The following FOXP1 variants were observed in gnomAD, a reference collection of about 807,000 sequenced individuals.
The protein encoded by FOXP1 is forkhead box protein P1.
A neutral mutation model predicts 98.2 loss-of-function variants in FOXP1; 15 were observed. The observed-to-expected ratio is 0.15, with a 90% CI of 0.10 to 0.24. The LOEUF (loss-of-function observed/expected upper bound fraction) is 0.24, where lower values mean the gene tolerates loss of function less well. Ranked by LOEUF, FOXP1 falls within the 10% of genes least tolerant of loss-of-function variation. The pLI, the probability that FOXP1 is intolerant of heterozygous loss-of-function variation, is 1.00. For missense variants in FOXP1, 633 were observed against 848.5 expected (o/e 0.75, Z 3.15); for synonymous variants, 371 against 314.5 (o/e 1.18, Z -1.90).
At chr3:71,216,158 C>T (rs2064899505) in intron 5 of FOXP1, among the ~76,000 whole-genome samples, 1 of 152,210 alleles carries the variant, frequency 6.6e-6, no homozygotes, top group Admixed American at 6.5e-5. Flanking sequence ...GCAGAGGCGC[C>T]TTGAGTCCAT....
At chr3:71,250,803 C>T (rs772117576) in intron 5 of FOXP1, among the ~76,000 whole-genome samples, 39 of 152,066 alleles carry the variant, frequency 2.6e-4, no homozygotes, top group Non-Finnish European at 4.3e-4. Context: ...TGGTGGCGCA[C>T]GCCTGTAATC....
chr3:71,576,655 C>T (rs2047740505), intron 2 of FOXP1, among the ~76,000 whole-genome samples: 1 of 152,204 alleles, frequency 6.6e-6, no homozygotes, highest in Non-Finnish European at 1.5e-5. Context: ...CAGCTTTAAG[C>T]ATCAAGGCCA....
intron 7 of FOXP1, among the ~76,000 whole-genome samples, chr3:71,077,407 C>T (rs1459561594): frequency 1.3e-5 from 2 of 152,136 alleles, no homozygotes; most frequent in Non-Finnish European, 2.9e-5. Context: ...GGGGGAAAGA[C>T]AGCTAAAGAC....
chr3:71,397,021 T>C lies in FOXP1; in HGVS notation c.-167-37777A>G, dbSNP rs374160832. ...ACATATATATGTGTATATATATATA[T>C]ATACATATATATGTGTATATATATA... On this transcript the variant is annotated intron_variant, in intron 3 of 20. Coordinates refer to ENST00000649528, the MANE Select transcript of FOXP1 (RefSeq NM_001349338.3). 4.0e-3 allele frequency among the ~76,000 whole-genome samples: 157 copies of C among 39,322 alleles called. 21 individuals are homozygous for C. The highest frequency in any genetic ancestry group is 6.6e-3 in the African/African-American group (66 of 10,064). 25.8% of individuals were successfully genotyped at this position (39,322 alleles called of 152,430 possible).
At position 71,395,026 on chromosome 3, in the gene FOXP1, G is replaced by C. The variant is rs1020566107; in HGVS notation, c.-167-35782C>G. Among the ~76,000 whole-genome samples the C allele has an allele frequency of 2.0e-5, 3 of 148,048 alleles. No individual in the cohort carries two copies. The East Asian group carries it at 5.9e-4, about 29-fold the overall frequency. On this transcript the variant is annotated intron_variant, in intron 3 of 20. Transcript: ENST00000649528. Reference sequence around the variant, plus strand: ...GAGGCAGGAGAATTGCTTGAACCCAGGAGGCAGAGGTTGCGGTGAGCCAAG... The same window carrying C: ...GAGGCAGGAGAATTGCTTGAACCCACGAGGCAGAGGTTGCGGTGAGCCAAG...
chr3:71,394,486 G>T (rs1490730238), intron 3 of FOXP1, among the ~76,000 whole-genome samples: 1 of 152,184 alleles, frequency 6.6e-6, no homozygotes, highest in Non-Finnish European at 1.5e-5. Flanking sequence ...GAATTTGTCT[G>T]CTAGGTTTCT....
At chr3:71,449,339 C>A (rs1379402865) in intron 3 of FOXP1, among the ~76,000 whole-genome samples, 1 of 152,054 alleles carries the variant, frequency 6.6e-6, no homozygotes, top group Non-Finnish European at 1.5e-5. Flanking sequence ...AATTTTCCAC[C>A]CTAAACACCC....
intron 6 of FOXP1, among the ~76,000 whole-genome samples, chr3:71,168,693 TCAGA>T (rs1160045264): frequency 6.6e-6 from 1 of 152,234 alleles, no homozygotes; most frequent in South Asian, 2.1e-4. Flanking sequence ...AGCCATTTCT[TCAGA>T]CAAACAGCAC....
intron 4 of FOXP1, among the ~76,000 whole-genome samples, chr3:71,308,027 G>A (rs577386144): frequency 6.6e-6 from 1 of 152,052 alleles, no homozygotes; most frequent in Non-Finnish European, 1.5e-5. Context: ...ACAGACACAG[G>A]GATTGTGACA....
intron 3 of FOXP1, among the ~76,000 whole-genome samples, chr3:71,483,688 C>T (rs545196206): frequency 1.8e-4 from 27 of 152,208 alleles, no homozygotes; most frequent in Admixed American, 2.0e-4. Context: ...TTGTAACAGA[C>T]CAGGTGGCTT....
intron 3 of FOXP1, among the ~76,000 whole-genome samples, chr3:71,383,456 G>A (rs1189312928): frequency 6.6e-6 from 1 of 152,142 alleles, no homozygotes; most frequent in Non-Finnish European, 1.5e-5. Flanking sequence ...AAGTATCAAT[G>A]AGAAAATGTT....
At chr3:71,213,480 T>C (rs2064662483) in intron 5 of FOXP1, among the ~76,000 whole-genome samples, 2 of 152,184 alleles carry the variant, frequency 1.3e-5, no homozygotes, top group South Asian at 2.1e-4. Flanking sequence ...GTAAATCTTT[T>C]TTAAGGCACC....
intron 6 of FOXP1, among the ~76,000 whole-genome samples, chr3:71,145,197 A>G (rs1182211835): frequency 2.0e-5 from 3 of 152,116 alleles, no homozygotes; most frequent in African/African-American, 7.2e-5. Flanking sequence ...CATATACAAG[A>G]GTATGAGTAA....
intron 3 of FOXP1, among the ~76,000 whole-genome samples, chr3:71,425,297 T>A (rs1355263883): frequency 6.6e-6 from 1 of 152,290 alleles, no homozygotes; most frequent in Non-Finnish European, 1.5e-5. Context: ...TTGTTGTTGT[T>A]GTATTTTTAG....
intron 7 of FOXP1, among the ~76,000 whole-genome samples, chr3:71,075,161 C>G (rs1322739275): frequency 1.3e-5 from 2 of 152,188 alleles, no homozygotes; most frequent in Admixed American, 6.5e-5. Context: ...GCCATCGGTT[C>G]TGATCCTGGT....
chr3:70,963,200 G>A (rs1196130945), intron 20 of FOXP1, among the ~76,000 whole-genome samples: 5 of 152,226 alleles, frequency 3.3e-5, no homozygotes, highest in Non-Finnish European at 5.9e-5. Context: ...GCCTCATGCA[G>A]AGTGGATGCA....
At chr3:71,569,806 G>A (rs11710593) in intron 2 of FOXP1, among the ~76,000 whole-genome samples, 83,533 of 148,850 alleles carry the variant, frequency 0.56, 24,562 homozygotes, top group Non-Finnish European at 0.63. Context: ...TTTTTGAGAC[G>A]GAGTCTCGCT....
chr3:71,198,997 A>C (rs571906189), intron 5 of FOXP1, among the ~76,000 whole-genome samples: 6 of 151,730 alleles, frequency 4.0e-5, no homozygotes, highest in South Asian at 4.2e-4. Context: ...CCCAAGATTA[A>C]ATTTTTCTTC....
intron 19 of FOXP1, among the ~76,000 whole-genome samples, chr3:70,966,935 A>T (rs2034918967): frequency 6.6e-6 from 1 of 152,220 alleles, no homozygotes; most frequent in Non-Finnish European, 1.5e-5. Flanking sequence ...AGTTACATAT[A>T]CCACTGGACT....
Sources: allele counts gnomAD v4.1 joint callset (sites outside exome capture counted in the v4.1 genomes callset), GRCh38; gene constraint gnomAD v4.1.1; transcripts MANE v1.5; gene names NCBI Gene and HGNC (gene_info 2026-07-23, HGNC 2026-07-21).